Variants in ABI2 observed in about 807,000 individuals in gnomAD.
ABI2 encodes the protein abelson interactor 2.
A neutral mutation model predicts 59.2 loss-of-function variants in ABI2; 25 were observed. The observed-to-expected ratio is 0.42, with a 90% confidence interval of 0.31 to 0.59. The LOEUF (loss-of-function observed/expected upper bound fraction) is 0.59. Among genes scored for constraint, ABI2 ranks in the 20% least tolerant of loss-of-function variants. The probability of loss-of-function intolerance (pLI) is 0.14; values close to 1 mark genes in which losing one functional copy is unlikely to be tolerated. For synonymous variants in ABI2, 213 were observed against 235.5 expected (o/e 0.90, Z 0.87); for missense variants, 545 against 681.8 (o/e 0.80, Z 2.23).
At chr2:203,373,385 G>T (rs1365805301) in intron 2 of ABI2, among the ~76,000 whole-genome samples, 1 of 152,200 alleles carries the variant, frequency 6.6e-6, no homozygotes, top group Non-Finnish European at 1.5e-5. Context: ...ATCAGGCAGG[G>T]AGGTTGCAGT....
chr2:203,361,609 A>G (rs909010530), intron 1 of ABI2, among the ~76,000 whole-genome samples: 2 of 152,188 alleles, frequency 1.3e-5, no homozygotes, highest in African/African-American at 2.4e-5. Flanking sequence ...CAGAATGAAA[A>G]CTAAAAAAAA....
At chr2:203,353,852 A>G (rs900676458) in intron 1 of ABI2, among the ~76,000 whole-genome samples, 2 of 152,118 alleles carry the variant, frequency 1.3e-5, no homozygotes, top group African/African-American at 2.4e-5. Flanking sequence ...CCATATGTCC[A>G]TGTGATATGC....
rs2153483963 is a variant in ABI2 at position 203,408,349 on chromosome 2, G to A, written c.1193-2936G>A. Among the ~76,000 whole-genome samples, 7 of 151,906 alleles carry A rather than the reference G, an allele frequency of 4.6e-5. 1 individual carries two copies. The South Asian group carries it at 1.5e-3, about 32-fold the overall frequency. ...GGCTAATTTTTGTATTTTTAGTAGAGATGGGGTTTCACCATGTTGGCCAGG... is the reference window on the plus strand; with the variant it reads ...GGCTAATTTTTGTATTTTTAGTAGAAATGGGGTTTCACCATGTTGGCCAGG... On this transcript the variant is annotated intron_variant, in intron 9 of 11. Coordinates refer to ENST00000261018, the MANE Select transcript of ABI2 (RefSeq NM_001375670.1).
chr2:203,328,716 G>C, intron 1 of ABI2, 85 bp downstream of exon 1: 2 of 869,638 alleles, frequency 2.3e-6, no homozygotes, highest in Middle Eastern at 3.3e-4. Context: ...AGGCCGCCTC[G>C]GGGACACGGC....
At chr2:203,350,974 T>C (rs2087865879) in intron 1 of ABI2, among the ~76,000 whole-genome samples, 1 of 152,146 alleles carries the variant, frequency 6.6e-6, no homozygotes, top group South Asian at 2.1e-4. Flanking sequence ...CTAGGAGTTT[T>C]ATAGTTTTAG....
intron 9 of ABI2, among the ~76,000 whole-genome samples, chr2:203,404,523 G>A (rs889145691): frequency 3.1e-4 from 47 of 152,232 alleles, no homozygotes; most frequent in African/African-American, 1.1e-3. Flanking sequence ...TCAGGAGCAC[G>A]GGATTACAGG....
intron 1 of ABI2, among the ~76,000 whole-genome samples, chr2:203,345,611 C>T (rs950970103): frequency 6.6e-6 from 1 of 151,910 alleles, no homozygotes; most frequent in Non-Finnish European, 1.5e-5. Flanking sequence ...GTTTCACCGT[C>T]TTGGCCAGTC....
Position 203,389,077 on chromosome 2 carries a change from T to C in ABI2, c.481-1969T>C, listed in dbSNP as rs142654534. Among the ~76,000 whole-genome samples the C allele has an allele frequency of 2.2e-3, 331 of 152,314 alleles. 1 individual carries two copies. The highest frequency in any genetic ancestry group is 7.4e-3 in the African/African-American group (308 of 41,568). On this transcript the variant is annotated intron_variant, in intron 4 of 11. Transcript: ENST00000261018. Reference sequence around the variant, plus strand: ...TCTTCTGGTTTCAGAAATTAAGATATGCAGTTTTAAAAGCTATTCATTATT... The same window carrying C: ...TCTTCTGGTTTCAGAAATTAAGATACGCAGTTTTAAAAGCTATTCATTATT...
intron 2 of ABI2, among the ~76,000 whole-genome samples, chr2:203,373,842 A>C (rs1243920661): frequency 6.6e-6 from 1 of 152,194 alleles, no homozygotes; most frequent in Non-Finnish European, 1.5e-5. Context: ...TAAGAACTCA[A>C]CAAGTAGGGT....
At position 203,431,826 on chromosome 2, in the gene ABI2, G is replaced by A. The variant is rs1314335926; in HGVS notation, c.*4474G>A. The stretch of plus-strand genomic sequence containing the variant: ...AAAAAGCTTATTTTCACATTAAAAT[G>A]AAACCTCTTTTGCAACTTAAGAATT... On this transcript the variant is annotated 3_prime_UTR_variant, in exon 12 of 12. Coordinates refer to ENST00000261018, the MANE Select transcript of ABI2 (RefSeq NM_001375670.1). The A allele has an allele frequency of 6.6e-6, 1 of 152,070 alleles. No individual in the cohort carries two copies. Among genetic ancestry groups the A allele is most frequent in the Non-Finnish European group, 1.5e-5 (1 of 68,000 alleles). The allele number at this position is 152,070 out of a possible 1,614,324, so 9.4% of individuals were successfully genotyped here.
chr2:203,424,367 G>T (rs1326393695), intron 11 of ABI2, among the ~76,000 whole-genome samples: 1 of 152,136 alleles, frequency 6.6e-6, no homozygotes, highest in Non-Finnish European at 1.5e-5. Context: ...AACTACTGGT[G>T]TATATCTTTC....
chr2:203,340,360 TA>T (rs2079117829), intron 1 of ABI2, among the ~76,000 whole-genome samples: 1 of 151,790 alleles, frequency 6.6e-6, no homozygotes, highest in South Asian at 2.1e-4. Flanking sequence ...TGAAATTTAC[TA>T]AGTCAGTAGA....
intron 4 of ABI2, among the ~76,000 whole-genome samples, chr2:203,383,643 G>C (rs886210341): frequency 6.6e-6 from 1 of 152,120 alleles, no homozygotes; most frequent in African/African-American, 2.4e-5. Context: ...TCCATTGTGA[G>C]AGACAGGCCA....
intron 11 of ABI2, among the ~76,000 whole-genome samples, chr2:203,419,170 C>G (rs890419905): frequency 3.0e-5 from 4 of 135,208 alleles, no homozygotes; most frequent in Admixed American, 1.6e-4. Context: ...AGTGCAATGG[C>G]GTGATCTCAG....
chr2:203,420,966 G>T (rs2098177252), intron 11 of ABI2, among the ~76,000 whole-genome samples: 1 of 147,596 alleles, frequency 6.8e-6, no homozygotes, highest in African/African-American at 2.5e-5. Flanking sequence ...TGAGGGTGGG[G>T]GTGGGTTGTA....
intron 1 of ABI2, among the ~76,000 whole-genome samples, chr2:203,350,383 C>G (rs1371112969): frequency 6.6e-6 from 1 of 152,040 alleles, no homozygotes; most frequent in Non-Finnish European, 1.5e-5. Context: ...GGGTCAGTCT[C>G]TGTCGCCCAG....
chr2:203,411,032 TTA>T (rs970307206), intron 9 of ABI2, among the ~76,000 whole-genome samples: 10 of 151,278 alleles, frequency 6.6e-5, no homozygotes, highest in Non-Finnish European at 1.5e-4. Context: ...TACGATTATG[TTA>T]TATATATATT....
chr2:203,391,209 A>G (rs1318737173), intron 5 of ABI2, 66 bp downstream of exon 5: 2 of 1,096,216 alleles, frequency 1.8e-6, no homozygotes, highest in Non-Finnish European at 2.5e-6. Context: ...AGCACAACAT[A>G]TTTAAATTAT....
At chr2:203,417,119 A>G (rs2097922861) in intron 11 of ABI2, 38 bp downstream of exon 11, 3 of 1,504,864 alleles carry the variant, frequency 2.0e-6, no homozygotes, top group Admixed American at 2.1e-5. Context: ...ATGGGAAGAA[A>G]CCTCTACATA....
Sources: allele counts gnomAD v4.1 joint callset (sites outside exome capture counted in the v4.1 genomes callset), GRCh38; gene constraint gnomAD v4.1.1; transcripts MANE v1.5; gene names NCBI Gene and HGNC (gene_info 2026-07-23, HGNC 2026-07-21).